FYB2: variants seen among roughly 807,000 people sequenced by gnomAD.
FYB2 encodes the protein FYN-binding protein 2.
A neutral mutation model predicts 94.1 loss-of-function variants in FYB2; 103 were observed. The observed-to-expected ratio is 1.09, with a 90% CI of 0.93 to 1.29. FYB2 has a LOEUF of 1.29. Ranked by LOEUF, FYB2 falls within the 50% of genes most tolerant of loss-of-function variation. The pLI is 0.00. For missense variants in FYB2, 896 were observed against 841.5 expected (o/e 1.06, Z -0.80); for synonymous variants, 293 against 287.9 (o/e 1.02, Z -0.18).
chr1:56,800,123 C>G lies in FYB2; in HGVS notation c.10-7320G>C, dbSNP rs1466261203. 2.6e-5 allele frequency among the ~76,000 whole-genome samples: 4 copies of G among 152,088 alleles called. 1 individual carries two copies. Among genetic ancestry groups the G allele is most frequent in the Admixed American group, 2.6e-4 (4 of 15,262 alleles). ...CCTCTGTGGTAAGCAAATCCAAGAG[C>G]CTTAAGGAATATGTAAACTCAAAAT... is the stretch of plus-strand genomic sequence containing the variant. On this transcript the variant is annotated intron_variant, in intron 1 of 19. Coordinates refer to ENST00000343433, the MANE Select transcript of FYB2 (RefSeq NM_001004303.5).
chr1:56,740,858 G>T, intron 12 of FYB2, 63 bp from the exon 13 acceptor site: 1 of 1,110,228 alleles, frequency 9.0e-7, no homozygotes, highest in Non-Finnish European at 1.3e-6. Flanking sequence ...ATAGAAGGCT[G>T]TTGTATTATA....
At chr1:56,782,890 T>TA (rs1646040369) in intron 4 of FYB2, among the ~76,000 whole-genome samples, 2 of 152,088 alleles carry the variant, frequency 1.3e-5, no homozygotes, top group Non-Finnish European at 2.9e-5. Flanking sequence ...AGAAAAGCCA[T>TA]ATTTATAGCT....
intron 6 of FYB2, among the ~76,000 whole-genome samples, chr1:56,758,352 C>T (rs1645407960): frequency 6.8e-6 from 1 of 146,874 alleles, no homozygotes; most frequent in African/African-American, 2.6e-5. Flanking sequence ...GACACCATGT[C>T]TAGCAGGAGC....
intron 3 of FYB2, among the ~76,000 whole-genome samples, chr1:56,787,532 C>T (rs960109301): frequency 6.6e-6 from 1 of 152,242 alleles, no homozygotes; most frequent in East Asian, 1.9e-4. Context: ...GAGATTATAG[C>T]TGCTCAATGT....
chr1:56,746,106 A>T (rs1487002301), intron 9 of FYB2, among the ~76,000 whole-genome samples: 1 of 151,894 alleles, frequency 6.6e-6, no homozygotes, highest in Non-Finnish European at 1.5e-5. Flanking sequence ...TATTAATACC[A>T]TTCAATATAG....
chr1:56,760,595 TCTC>T (rs1211557791), intron 5 of FYB2, among the ~76,000 whole-genome samples: 2 of 152,108 alleles, frequency 1.3e-5, no homozygotes, highest in African/African-American at 4.8e-5. Context: ...AAAATAATAA[TCTC>T]CTCCTTTCTA....
chr1:56,731,895 A>G (rs1331954272), intron 15 of FYB2: 1 of 152,174 alleles, frequency 6.6e-6, no homozygotes, highest in African/African-American at 2.4e-5. Context: ...ATCTTACCTA[A>G]CAGGGAAAAG....
chr1:56,744,892 T>A (rs1645034839), intron 9 of FYB2, among the ~76,000 whole-genome samples: 1 of 151,896 alleles, frequency 6.6e-6, no homozygotes, highest in Non-Finnish European at 1.5e-5. Flanking sequence ...ATATTTAGGG[T>A]ATGGGTAATT....
chr1:56,805,677 AC>A (rs1363333474), intron 1 of FYB2, among the ~76,000 whole-genome samples: 2 of 152,148 alleles, frequency 1.3e-5, no homozygotes, highest in Non-Finnish European at 2.9e-5. Flanking sequence ...TGTGGGAGGT[AC>A]CCAGTGGGAG....
rs562538755 is a variant in FYB2, at chr1:56,784,189, G to A, written c.953+2986C>T. Among the ~76,000 whole-genome samples, 4 of 152,270 alleles carry A rather than the reference G, an allele frequency of 2.6e-5. No individual in the cohort carries two copies. The East Asian group carries it at 7.7e-4, about 29-fold the overall frequency. ...TGAAAATAATGAGAGTTTTAATTTG[G>A]AGAAGAATGTAGTCCTTAGATGTTT... On this transcript the variant is annotated intron_variant, in intron 4 of 19. Coordinates refer to ENST00000343433, the MANE Select transcript of FYB2 (RefSeq NM_001004303.5).
chr1:56,725,077 A>G (rs1377494362), intron 16 of FYB2, among the ~76,000 whole-genome samples: 3 of 152,038 alleles, frequency 2.0e-5, no homozygotes, highest in Non-Finnish European at 2.9e-5. Context: ...ACCTTCTGCC[A>G]TGAGTAGAAG....
chr1:56,783,696 A>G (rs1467817264), intron 4 of FYB2, among the ~76,000 whole-genome samples: 1 of 152,106 alleles, frequency 6.6e-6, no homozygotes. Flanking sequence ...ATAAACAAAG[A>G]AGCGTGTGTG....
At chr1:56,808,438 ATTC>A (rs1466728533) in intron 1 of FYB2, among the ~76,000 whole-genome samples, 3 of 152,180 alleles carry the variant, frequency 2.0e-5, no homozygotes, top group Non-Finnish European at 1.5e-5. Context: ...CTAAATATGT[ATTC>A]TTCTAATCCA....
intron 9 of FYB2, among the ~76,000 whole-genome samples, chr1:56,748,485 A>G (rs1487505036): frequency 6.6e-6 from 1 of 151,998 alleles, no homozygotes; most frequent in Non-Finnish European, 1.5e-5. Context: ...TTTTCCCAGC[A>G]CCATTTATCA....
intron 9 of FYB2, among the ~76,000 whole-genome samples, chr1:56,745,146 A>G (rs916003986): frequency 3.3e-5 from 5 of 152,024 alleles, no homozygotes; most frequent in African/African-American, 1.2e-4. Flanking sequence ...TACAAAATAA[A>G]GATGCTGAAC....
At chr1:56,766,496 C>T (rs1195082244) in intron 5 of FYB2, among the ~76,000 whole-genome samples, 2 of 151,834 alleles carry the variant, frequency 1.3e-5, no homozygotes, top group East Asian at 1.9e-4. Context: ...TGCAGTGGCG[C>T]GATCTCGGCT....
chr1:56,755,659 T>C (rs1285611889), intron 7 of FYB2, among the ~76,000 whole-genome samples: 9 of 152,086 alleles, frequency 5.9e-5, no homozygotes, highest in Non-Finnish European at 1.3e-4. Context: ...ATCTGGCACA[T>C]GTTGGGTACT....
chr1:56,816,395 T>C (rs6670596), intron 1 of FYB2, among the ~76,000 whole-genome samples: 18,122 of 152,184 alleles, frequency 0.12, 1,432 homozygotes, highest in Non-Finnish European at 0.17. Flanking sequence ...ATTACTCACA[T>C]GGGAGCTCAG....
At chr1:56,766,580 C>CCCA (rs747194653) in intron 5 of FYB2, among the ~76,000 whole-genome samples, 4 of 151,974 alleles carry the variant, frequency 2.6e-5, no homozygotes, top group Non-Finnish European at 5.9e-5. Flanking sequence ...ACCACAGTCT[C>CCCA]CCACCACCAC....
Sources: allele counts gnomAD v4.1 joint callset (sites outside exome capture counted in the v4.1 genomes callset), GRCh38; gene constraint gnomAD v4.1.1; transcripts MANE v1.5; gene names NCBI Gene and HGNC (gene_info 2026-07-23, HGNC 2026-07-21).